STAU2: variants seen among roughly 807,000 people sequenced by gnomAD.
STAU2 encodes staufen double-stranded RNA binding protein 2, also known as double-stranded RNA-binding protein Staufen homolog 2.
Under a neutral mutation model 65.9 loss-of-function variants are expected in STAU2, and 20 were observed. That is an observed-to-expected ratio of 0.30 (90% confidence interval 0.21 to 0.44). The LOEUF (loss-of-function observed/expected upper bound fraction) is 0.44, where lower values mean the gene tolerates loss of function less well. Ranked by LOEUF, STAU2 falls within the 20% of genes least tolerant of loss-of-function variation. STAU2 has a pLI of 1.00. For missense variants in STAU2, 558 were observed against 683.9 expected (o/e 0.82, Z 2.05); for synonymous variants, 232 against 233.9 (o/e 0.99, Z 0.07).
In STAU2 at chr8:73,570,160, C is replaced by T. The variant is rs1019782621; in HGVS notation, c.1222+12610G>A. On this transcript the variant is annotated intron_variant, in intron 12 of 14. Transcript: ENST00000524300. Reference sequence around the variant, plus strand: ...GCTGAAAACCATGGCACAAGAACTACGTGACGCATGCACAAGCTTCAGTAC... The same window carrying T: ...GCTGAAAACCATGGCACAAGAACTATGTGACGCATGCACAAGCTTCAGTAC... Among the ~76,000 whole-genome samples the T allele has an allele frequency of 1.2e-4, 18 of 152,274 alleles. 1 individual carries two copies. The highest frequency in any genetic ancestry group is 6.8e-3 in the Middle Eastern group (2 of 294).
intron 13 of STAU2, chr8:73,439,655 G>A (rs973205154): frequency 6.6e-6 from 1 of 152,516 alleles, no homozygotes; most frequent in East Asian, 1.9e-4. Flanking sequence ...CCTTGAGCAA[G>A]TACAAATCTC....
At chr8:73,572,335 T>C (rs1215126902) in intron 12 of STAU2, among the ~76,000 whole-genome samples, 2 of 152,224 alleles carry the variant, frequency 1.3e-5, no homozygotes, top group Non-Finnish European at 2.9e-5. Context: ...GAGAAGCTGA[T>C]ACCATTCCTT....
intron 3 of STAU2, among the ~76,000 whole-genome samples, chr8:73,719,800 G>T (rs1281641483): frequency 6.6e-6 from 1 of 151,984 alleles, no homozygotes; most frequent in Non-Finnish European, 1.5e-5. Context: ...GTCTGATTCT[G>T]GTATCCCAGT....
intron 10 of STAU2, among the ~76,000 whole-genome samples, chr8:73,599,770 C>CTT (rs751343976): frequency 6.9e-6 from 1 of 145,908 alleles, no homozygotes. Flanking sequence ...TCCAACAGTA[C>CTT]TTTTTTTTTT....
At chr8:73,597,095 A>G (rs1423795957) in intron 10 of STAU2, among the ~76,000 whole-genome samples, 1 of 152,136 alleles carries the variant, frequency 6.6e-6, no homozygotes, top group Non-Finnish European at 1.5e-5. Flanking sequence ...CATATCAGCA[A>G]AACAAACCCA....
At chr8:73,563,580 C>A (rs1808389502) in intron 12 of STAU2, among the ~76,000 whole-genome samples, 2 of 152,056 alleles carry the variant, frequency 1.3e-5, no homozygotes, top group African/African-American at 4.8e-5. Context: ...AAGGTGTTAC[C>A]AGAGATAAAC....
intron 13 of STAU2, among the ~76,000 whole-genome samples, chr8:73,520,488 CT>C (rs1054919961): frequency 2.6e-5 from 4 of 152,276 alleles, no homozygotes; most frequent in Admixed American, 6.5e-5. Context: ...CACTTGATCC[CT>C]TATGTAGTAG....
chr8:73,704,815 C>T (rs577533123), intron 4 of STAU2, among the ~76,000 whole-genome samples: 7 of 152,208 alleles, frequency 4.6e-5, no homozygotes, highest in South Asian at 2.1e-4. Context: ...ACTAAAGGCT[C>T]GTGCCACCAC....
intron 6 of STAU2, among the ~76,000 whole-genome samples, chr8:73,666,132 A>C (rs1356295930): frequency 6.6e-6 from 1 of 152,162 alleles, no homozygotes; most frequent in African/African-American, 2.4e-5. Context: ...TTCAACATCA[A>C]CTGTTGTACT....
chr8:73,429,413 C>CTTTTTTTTTTTTT lies in STAU2; in HGVS notation c.1531-6724_1531-6712dup, dbSNP rs71561522. ...AACCAATCTATATTCTTGCTCAGGT[C>CTTTTTTTTTTTTT]TTTTTTTTTTTTTTTTTTTTTTTTT... On this transcript the variant is annotated intron_variant, in intron 13 of 14. Transcript: ENST00000524300. Among the ~76,000 whole-genome samples the CTTTTTTTTTTTTT allele has an allele frequency of 2.9e-4, 19 of 65,312 alleles. 7 individuals are homozygous for CTTTTTTTTTTTTT. The highest frequency in any genetic ancestry group is 4.9e-4 in the Non-Finnish European group (14 of 28,522). 42.8% of individuals were successfully genotyped at this position (65,312 alleles called of 152,430 possible).
chr8:73,619,435 G>A (rs537865309), intron 6 of STAU2, among the ~76,000 whole-genome samples: 2 of 152,258 alleles, frequency 1.3e-5, no homozygotes, highest in Non-Finnish European at 2.9e-5. Context: ...CAAGCAAAAA[G>A]AAGTCCAATT....
intron 6 of STAU2, among the ~76,000 whole-genome samples, chr8:73,644,592 T>C (rs1815234765): frequency 6.6e-6 from 1 of 151,458 alleles, no homozygotes; most frequent in African/African-American, 2.4e-5. Flanking sequence ...AGGTAGTAAA[T>C]CTAAGAAGAG....
At chr8:73,433,697 C>T (rs1196362007) in intron 13 of STAU2, among the ~76,000 whole-genome samples, 2 of 151,864 alleles carry the variant, frequency 1.3e-5, no homozygotes, top group East Asian at 1.9e-4. Context: ...GACATGGTTT[C>T]GCCATGTTGG....
intron 11 of STAU2, among the ~76,000 whole-genome samples, chr8:73,584,540 A>G (rs1563439323): frequency 6.6e-6 from 1 of 152,236 alleles, no homozygotes; most frequent in Non-Finnish European, 1.5e-5. Context: ...TAATTACTCT[A>G]AGGTCACACA....
intron 13 of STAU2, among the ~76,000 whole-genome samples, chr8:73,534,346 T>A (rs1020667449): frequency 2.0e-5 from 3 of 152,212 alleles, no homozygotes; most frequent in Non-Finnish European, 2.9e-5. Context: ...CAAAATAGCA[T>A]GTTCTTGGCA....
intron 5 of STAU2, among the ~76,000 whole-genome samples, chr8:73,687,476 TA>T (rs1236564080): frequency 7.2e-6 from 1 of 138,984 alleles, no homozygotes; most frequent in Non-Finnish European, 1.5e-5. Context: ...AAAATATATA[TA>T]ATTATATAAT....
chr8:73,710,654 A>G (rs1301589028), intron 3 of STAU2, among the ~76,000 whole-genome samples: 3 of 152,010 alleles, frequency 2.0e-5, no homozygotes, highest in African/African-American at 7.2e-5. Flanking sequence ...TTTTTCTAAT[A>G]CCACATTATT....
At chr8:73,562,254 G>A (rs975908711) in intron 12 of STAU2, among the ~76,000 whole-genome samples, 1 of 152,142 alleles carries the variant, frequency 6.6e-6, no homozygotes, top group Non-Finnish European at 1.5e-5. Flanking sequence ...GGGAGGCCAA[G>A]GCAGGAGGAT....
At chr8:73,684,013 T>C (rs543117294) in intron 5 of STAU2, among the ~76,000 whole-genome samples, 76 of 152,234 alleles carry the variant, frequency 5.0e-4, no homozygotes, top group African/African-American at 1.7e-3. Context: ...AGAATCAATA[T>C]TGTGGAAATA....
Sources: gnomAD v4.1 joint callset for allele counts (sites outside exome capture counted in the v4.1 genomes callset) on GRCh38, gnomAD v4.1.1 for gene constraint, MANE v1.5 for transcripts, NCBI Gene and HGNC (gene_info 2026-07-23, HGNC 2026-07-21) for gene names.